RNF43: variants seen among roughly 807,000 people sequenced by gnomAD.
RNF43 encodes E3 ubiquitin-protein ligase RNF43.
A neutral mutation model predicts 78.4 loss-of-function variants in RNF43; 37 were observed. The observed-to-expected ratio is 0.47, with a 90% CI of 0.36 to 0.62. RNF43 has a LOEUF of 0.62. Among genes scored for constraint, RNF43 ranks in the 20% least tolerant of loss-of-function variants. RNF43 has a pLI of 0.00. For synonymous variants in RNF43, 347 were observed against 395.0 expected (o/e 0.88, Z 1.44); for missense variants, 774 against 1,007.9 (o/e 0.77, Z 3.14).
intron 2 of RNF43, among the ~76,000 whole-genome samples, chr17:58,371,406 C>T (rs1973094338): frequency 2.0e-5 from 3 of 152,252 alleles, no homozygotes; most frequent in African/African-American, 7.2e-5. Flanking sequence ...GATCCTTCTA[C>T]CTGCTCCCCA....
chr17:58,355,597 G>T lies in RNF43; in HGVS notation c.2309-611C>A, dbSNP rs1050164986. Reference sequence around the variant, plus strand: ...ATGGGCCTGGGGAAGGGAGGGAAGAGAATAGAAAATAAGGTTGAGAAGGAA... The same window carrying T: ...ATGGGCCTGGGGAAGGGAGGGAAGATAATAGAAAATAAGGTTGAGAAGGAA... On this transcript the variant is annotated intron_variant, in intron 9 of 9. Transcript: ENST00000407977. 5.3e-5 allele frequency among the ~76,000 whole-genome samples: 8 copies of T among 152,280 alleles called. No individual in the cohort carries two copies. The South Asian group carries it at 1.7e-3, about 32-fold the overall frequency.
intron 3 of RNF43, 22 bp from the exon 4 acceptor site, chr17:58,363,622 G>A (rs2143475041): frequency 6.2e-7 from 1 of 1,601,762 alleles, no homozygotes; most frequent in Non-Finnish European, 8.5e-7. Flanking sequence ...CACAGTAGAG[G>A]TTGGGCTGAG....
intron 6 of RNF43, 92 bp downstream of exon 6, chr17:58,362,451 AG>A: frequency 1.2e-6 from 1 of 828,264 alleles, no homozygotes; most frequent in Non-Finnish European, 1.9e-6. Context: ...ATAGGTATAA[AG>A]GTGCCTTCTT....
At chr17:58,384,998 G>C (rs1973401419) in intron 2 of RNF43, among the ~76,000 whole-genome samples, 1 of 152,222 alleles carries the variant, frequency 6.6e-6, no homozygotes, top group African/African-American at 2.4e-5. Context: ...TGATGCTACA[G>C]CAAGACAAAC....
rs755350796 is a variant in RNF43, at chr17:58,357,523, G to C, written c.2253C>G (p.Thr751=). 1 of 1,614,220 alleles carries C rather than the reference G, an allele frequency of 6.2e-7. No homozygotes were observed. Among genetic ancestry groups the C allele is most frequent in the East Asian group, 2.2e-5 (1 of 44,880 alleles). Residue 751 remains threonine, a synonymous_variant, in exon 9 of 10, where the codon ACC becomes ACG. Coordinates refer to ENST00000407977, the MANE Select transcript of RNF43 (RefSeq NM_017763.6). This position sits in a 1 kb window ranked among gnomAD's most constrained non-coding sequence, Gnocchi z 4.5. Reference sequence around the variant, plus strand: ...GATAAGGGCATGGCCTGCCCTCTGCGGTGTCAGAACTCCATTCAGAAGGCC... The same window carrying C: ...GATAAGGGCATGGCCTGCCCTCTGCCGTGTCAGAACTCCATTCAGAAGGCC... ...GEGPSEWSSD[T]AEGRPCPYPH... is the part of the protein sequence containing the mutation.
At chr17:58,376,300 A>G (rs1295439271) in intron 2 of RNF43, among the ~76,000 whole-genome samples, 2 of 152,170 alleles carry the variant, frequency 1.3e-5, no homozygotes, top group African/African-American at 2.4e-5. Context: ...GTGCTACTCT[A>G]TGAGGAGAAG....
At chr17:58,416,292 C>T (rs1974123499) in intron 1 of RNF43, 1 of 152,166 alleles carries the variant, frequency 6.6e-6, no homozygotes, top group Non-Finnish European at 1.5e-5. Context: ...CTTAGACATA[C>T]CATAATTTTT....
rs1197955112 is a variant in RNF43, at chr17:58,415,417, T to C, written c.161A>G (p.Lys54Arg). 1 of 1,614,122 alleles carries C rather than the reference T, an allele frequency of 6.2e-7. No homozygotes were observed. Among genetic ancestry groups the C allele is most frequent in the African/African-American group, 1.3e-5 (1 of 74,944 alleles). ...QKAIIRVIPL[K>R]MDPTGKLNLT... ...ATTCAGTTTTCCTGTGGGGTCCATT[T>C]TCAAGGGGATCACTCTGATAATAGC... Residue 54 changes from lysine (K) to arginine (R), a missense_variant, in exon 2 of 10, where the codon AAA becomes AGA. Transcript: ENST00000407977.
At chr17:58,389,737 A>G (rs1006658090) in intron 2 of RNF43, among the ~76,000 whole-genome samples, 1 of 152,230 alleles carries the variant, frequency 6.6e-6, no homozygotes, top group Admixed American at 6.5e-5. Flanking sequence ...CATCTGCAGA[A>G]GCTTCAAAGC....
At chr17:58,353,173 G>C (rs1972600451), downstream of RNF43, 3 of 210,880 alleles carry the variant, frequency 1.4e-5, no homozygotes, top group South Asian at 1.9e-4. Flanking sequence ...TCCTGATTGA[G>C]CTGCTTCCGG....
intron 6 of RNF43, 85 bp downstream of exon 6, chr17:58,362,459 T>C (rs972301177): frequency 3.2e-6 from 3 of 948,404 alleles, no homozygotes; most frequent in Non-Finnish European, 4.7e-6. Context: ...AAAGGTGCCT[T>C]CTTCACGTAC....
intron 2 of RNF43, among the ~76,000 whole-genome samples, chr17:58,374,394 CTTT>C (rs1266131489): frequency 7.2e-5 from 10 of 139,176 alleles, no homozygotes; most frequent in Admixed American, 1.4e-4. Flanking sequence ...TTTCACTCTT[CTTT>C]TTTTTTTTTT....
chr17:58,357,160 C>G lies in RNF43; in HGVS notation c.2308+308G>C, dbSNP rs1276422776. On this transcript the variant is annotated intron_variant, in intron 9 of 9. Coordinates refer to ENST00000407977, the MANE Select transcript of RNF43 (RefSeq NM_017763.6). The surrounding 1 kb of genome is among the most constrained non-coding windows in gnomAD (Gnocchi z 4.5). ...CCACCCACCTAGGCCTCCCAAAGTT[C>G]TGGGATTACAGGCATGAGCCATCAC... The G allele has an allele frequency of 1.4e-6, 1 of 697,700 alleles. No homozygotes were observed. Among genetic ancestry groups the G allele is most frequent in the East Asian group, 2.7e-5 (1 of 37,180 alleles). The allele number at this position is 697,700 out of a possible 1,614,324, so 43.2% of individuals were successfully genotyped here. A position where few individuals can be genotyped will look rare whatever the true frequency, so the allele number is the denominator to read the frequency against.
intron 3 of RNF43, among the ~76,000 whole-genome samples, chr17:58,368,357 G>A (rs1377537519): frequency 2.6e-5 from 4 of 152,190 alleles, no homozygotes; most frequent in Non-Finnish European, 5.9e-5. Flanking sequence ...AGACCAGCCT[G>A]GCCAACATGG....
rs1361560483 is a variant in RNF43, at chr17:58,404,709, T to C, written c.252+10617A>G. 6.6e-5 allele frequency among the ~76,000 whole-genome samples: 10 copies of C among 152,342 alleles called. No individual in the cohort carries two copies. The East Asian group carries it at 1.9e-3, about 29-fold the overall frequency. On this transcript the variant is annotated intron_variant, in intron 2 of 9. Coordinates refer to ENST00000407977, the MANE Select transcript of RNF43 (RefSeq NM_017763.6). ...AGAAACAATTTTTGCTAAATAGATA[T>C]GATATTCAAATACTCTTCACCTTCT...
intron 6 of RNF43, among the ~76,000 whole-genome samples, chr17:58,362,165 T>C (rs969404617): frequency 2.6e-5 from 4 of 152,084 alleles, no homozygotes; most frequent in African/African-American, 9.7e-5. Flanking sequence ...CTATCAGCAT[T>C]ATCATTTTTT....
chr17:58,409,952 A>C (rs2143676252), intron 2 of RNF43, among the ~76,000 whole-genome samples: 1 of 152,238 alleles, frequency 6.6e-6, no homozygotes, highest in Non-Finnish European at 1.5e-5. Flanking sequence ...CAACACACAC[A>C]CATATATACA....
chr17:58,383,830 C>T (rs770739146), intron 2 of RNF43, among the ~76,000 whole-genome samples: 1 of 152,162 alleles, frequency 6.6e-6, no homozygotes, highest in South Asian at 2.1e-4. Flanking sequence ...GTTGGTCAGG[C>T]TGGTCTCGAA....
rs746441025 is a variant in RNF43, at chr17:58,357,423, G to C, written c.2308+45C>G. 1.9e-6 allele frequency: 3 copies of C among 1,612,106 alleles called. No homozygotes were observed. The highest frequency in any genetic ancestry group is 2.5e-6 in the Non-Finnish European group (3 of 1,178,158). Reference sequence around the variant, plus strand: ...TTCACCTGTCCTGAAATATTCAGCTGTAGTCTCCTCTCCCTACCACACCCA... The same window carrying C: ...TTCACCTGTCCTGAAATATTCAGCTCTAGTCTCCTCTCCCTACCACACCCA... On this transcript the variant is annotated intron_variant, in intron 9 of 9. Transcript: ENST00000407977. The surrounding 1 kb of genome is among the most constrained non-coding windows in gnomAD (Gnocchi z 4.5).
Sources: allele counts gnomAD v4.1 joint callset (sites outside exome capture counted in the v4.1 genomes callset), GRCh38; gene constraint gnomAD v4.1.1; non-coding constraint Gnocchi (gnomAD v3.1); transcripts MANE v1.5; gene names NCBI Gene and HGNC (gene_info 2026-07-23, HGNC 2026-07-21).